PRKN: variants seen among roughly 807,000 people sequenced by gnomAD.
PRKN encodes parkin RBR E3 ubiquitin protein ligase, also known as E3 ubiquitin-protein ligase parkin.
Under a neutral mutation model 59.5 loss-of-function variants are expected in PRKN, and 56 were observed. The observed-to-expected ratio is 0.94, with a 90% CI of 0.76 to 1.18. The LOEUF (loss-of-function observed/expected upper bound fraction) is 1.18, where lower values mean the gene tolerates loss of function less well. PRKN is among the 50% of genes most tolerant of loss of function. The probability of loss-of-function intolerance (pLI) is 0.00; values close to 1 mark genes in which losing one functional copy is unlikely to be tolerated. For missense variants in PRKN, 657 were observed against 596.4 expected, an observed-to-expected ratio of 1.10 and a Z score of -1.06; for synonymous variants, 250 against 222.1, an observed-to-expected ratio of 1.13 and a Z score of -1.12.
chr6:162,384,976 G>A (rs1238895349), intron 2 of PRKN, among the ~76,000 whole-genome samples: 3 of 152,034 alleles, frequency 2.0e-5, no homozygotes, highest in Non-Finnish European at 2.9e-5. Context: ...GTATGAAGGG[G>A]CCTATGTTTA....
intron 6 of PRKN, among the ~76,000 whole-genome samples, chr6:161,806,941 C>G (rs745905446): frequency 4.5e-4 from 69 of 152,144 alleles, no homozygotes; most frequent in Non-Finnish European, 7.6e-4. Flanking sequence ...TGCATAAAAA[C>G]CCACCTAACT....
At chr6:161,951,475 G>C (rs557430424) in intron 6 of PRKN, among the ~76,000 whole-genome samples, 6 of 152,324 alleles carry the variant, frequency 3.9e-5, no homozygotes, top group African/African-American at 1.4e-4. Flanking sequence ...CCAAAGTACA[G>C]ACACTGTCAC....
chr6:162,677,176 GAGATAA>G (rs1231606091), intron 1 of PRKN, among the ~76,000 whole-genome samples: 2 of 151,608 alleles, frequency 1.3e-5, no homozygotes, highest in African/African-American at 4.8e-5. Context: ...CAGGGCATAG[GAGATAA>G]AGCAGAATGA....
chr6:162,508,026 A>T (rs1793683912), intron 1 of PRKN, among the ~76,000 whole-genome samples: 1 of 152,198 alleles, frequency 6.6e-6, no homozygotes, highest in South Asian at 2.1e-4. Flanking sequence ...ATAAAGATAT[A>T]CCCAAGACTG....
At chr6:161,840,735 TAAG>T (rs1272558760) in intron 6 of PRKN, among the ~76,000 whole-genome samples, 1 of 152,150 alleles carries the variant, frequency 6.6e-6, no homozygotes, top group East Asian at 1.9e-4. Context: ...TTTAGTTTGC[TAAG>T]GATAATGGCC....
intron 6 of PRKN, among the ~76,000 whole-genome samples, chr6:161,879,359 T>C (rs1794846775): frequency 6.7e-6 from 1 of 150,242 alleles, no homozygotes; most frequent in Non-Finnish European, 1.5e-5. Context: ...TTTTTTTTTT[T>C]TTGAGATGGA....
In PRKN at chr6:161,593,860, G is replaced by C. The variant is rs1053412012; in HGVS notation, c.872-24444C>G. The stretch of plus-strand genomic sequence containing the variant: ...TCAAATAGGTGGAGGTGATAGAATT[G>C]ACTGCTGGAGGCCGGGCGCAGTGGC... On this transcript the variant is annotated intron_variant, in intron 7 of 11. Transcript: ENST00000366898. This position sits in a 1 kb window ranked among gnomAD's most constrained non-coding sequence, Gnocchi z 4.8. Among the ~76,000 whole-genome samples, 7 of 152,040 alleles carry C rather than the reference G, an allele frequency of 4.6e-5. No homozygotes were observed. Among genetic ancestry groups the C allele is most frequent in the African/African-American group, 1.7e-4 (7 of 41,416 alleles).
At position 161,360,293 on chromosome 6, in the gene PRKN, T is replaced by C; in HGVS notation, c.1168-88A>G. 9.2e-7 allele frequency: 1 copy of C among 1,085,678 alleles called. No homozygotes were observed. Among genetic ancestry groups the C allele is most frequent in the Admixed American group, 1.7e-5 (1 of 58,994 alleles). The allele number at this position is 1,085,678 out of a possible 1,614,324, so 67.3% of individuals were successfully genotyped here. ...GTTCCCTGTACGTCGGTACAGGAAA[T>C]TCTTGAAGACAGGAGTGCCTTCGGG... On this transcript the variant is annotated intron_variant, in intron 10 of 11. Transcript: ENST00000366898. The surrounding 1 kb of genome is among the most constrained non-coding windows in gnomAD (Gnocchi z 5.1).
At position 162,438,855 on chromosome 6, in the gene PRKN, A is replaced by G. The variant is rs9364658; in HGVS notation, c.171+4455T>C. 3.5e-3 allele frequency among the ~76,000 whole-genome samples: 526 copies of G among 152,288 alleles called. 10 individuals carry two copies. The East Asian group carries it at 0.059, about 17-fold the overall frequency. On this transcript the variant is annotated intron_variant, in intron 2 of 11. Coordinates refer to ENST00000366898, the MANE Select transcript of PRKN (RefSeq NM_004562.3). ...CTCTTGCAAACTTTGGAAGTTTCCA[A>G]CACTTATTTCTTTGAGCATTTGCCC...
intron 4 of PRKN, among the ~76,000 whole-genome samples, chr6:162,078,516 T>G (rs1778925976): frequency 1.3e-5 from 2 of 152,070 alleles, no homozygotes; most frequent in Non-Finnish European, 2.9e-5. Context: ...TTTAGCTAAT[T>G]TAGATGACAT....
intron 1 of PRKN, among the ~76,000 whole-genome samples, chr6:162,541,859 T>G (rs959420107): frequency 2.6e-5 from 4 of 151,960 alleles, no homozygotes; most frequent in Non-Finnish European, 1.5e-5. Context: ...CCCCAATATC[T>G]TCTGAGCTTT....
At chr6:162,274,119 G>A (rs563767611) in intron 2 of PRKN, among the ~76,000 whole-genome samples, 1 of 152,008 alleles carries the variant, frequency 6.6e-6, no homozygotes, top group Non-Finnish European at 1.5e-5. Flanking sequence ...CATATTTTGG[G>A]ACTGGAAGGA....
At position 162,136,364 on chromosome 6, in the gene PRKN, G is replaced by C. The variant is rs376151857; in HGVS notation, c.534+64767C>G. Among the ~76,000 whole-genome samples the C allele has an allele frequency of 3.8e-3, 573 of 152,188 alleles. 9 individuals carry two copies. Among genetic ancestry groups the C allele is most frequent in the African/African-American group, 0.013 (536 of 41,536 alleles). On this transcript the variant is annotated intron_variant, in intron 4 of 11. Transcript: ENST00000366898. The stretch of plus-strand genomic sequence containing the variant: ...TAGCTACTCAGTAATACATATGCAA[G>C]TATTTTAATTCTTTTTGAATCAGCC...
chr6:161,857,686 A>G lies in PRKN; in HGVS notation c.735-71778T>C, dbSNP rs186587725. ...AGTTCAAAGCAGTTCTGGCCAACTC[A>G]GTTTAAAAAATAACAACATTGGTGT... On this transcript the variant is annotated intron_variant, in intron 6 of 11. Coordinates refer to ENST00000366898, the MANE Select transcript of PRKN (RefSeq NM_004562.3). 1.2e-3 allele frequency among the ~76,000 whole-genome samples: 182 copies of G among 152,336 alleles called. 3 individuals are homozygous for G. The highest frequency in any genetic ancestry group is 3.8e-4 in the Non-Finnish European group (26 of 68,026).
At chr6:161,816,209 G>A (rs771394581) in intron 6 of PRKN, among the ~76,000 whole-genome samples, 7 of 152,086 alleles carry the variant, frequency 4.6e-5, no homozygotes, top group Non-Finnish European at 8.8e-5. Flanking sequence ...AGCAGCATGC[G>A]TGAGTCTTAA....
intron 1 of PRKN, among the ~76,000 whole-genome samples, chr6:162,478,811 T>C (rs1282245603): frequency 6.6e-6 from 1 of 152,094 alleles, no homozygotes; most frequent in African/African-American, 2.4e-5. Flanking sequence ...ACAAGAAACA[T>C]TTGTATATAT....
intron 7 of PRKN, among the ~76,000 whole-genome samples, chr6:161,775,915 G>A (rs1789904241): frequency 6.6e-6 from 1 of 152,104 alleles, no homozygotes; most frequent in Non-Finnish European, 1.5e-5. Context: ...AGATGGAAAG[G>A]GAATTGCATT....
At chr6:161,612,843 GC>G (rs1360975269) in intron 7 of PRKN, among the ~76,000 whole-genome samples, 1 of 151,658 alleles carries the variant, frequency 6.6e-6, no homozygotes. Flanking sequence ...AATATTTTAA[GC>G]CCACTGTTGA....
intron 6 of PRKN, among the ~76,000 whole-genome samples, chr6:161,876,776 C>T (rs979686744): frequency 3.3e-5 from 5 of 151,912 alleles, no homozygotes; most frequent in Admixed American, 2.6e-4. Context: ...TGTTTAGAAG[C>T]CAGTATCTGT....
Sources: allele counts gnomAD v4.1 joint callset (sites outside exome capture counted in the v4.1 genomes callset), GRCh38; gene constraint gnomAD v4.1.1; non-coding constraint Gnocchi (gnomAD v3.1); transcripts MANE v1.5; gene names NCBI Gene and HGNC (gene_info 2026-07-23, HGNC 2026-07-21).